ZNF746: variants seen among roughly 807,000 people sequenced by gnomAD.
The protein encoded by ZNF746 is zinc finger protein 746, also known as parkin-interacting substrate.
A neutral mutation model predicts 41.0 loss-of-function variants in ZNF746; 13 were observed. That is an observed-to-expected ratio of 0.32 (90% confidence interval 0.21 to 0.50). ZNF746 has a LOEUF of 0.50. ZNF746 is among the 20% of genes least tolerant of loss of function. The pLI is 0.98. For synonymous variants in ZNF746, 424 were observed against 396.2 expected (o/e 1.07, Z -0.83); for missense variants, 811 against 922.9 (o/e 0.88, Z 1.57).
chr7:149,474,437 C>G lies in ZNF746; in HGVS notation c.1930G>C (p.Asp644His), dbSNP rs1332044574. The change falls in exon 7 of 7, where the codon GAC becomes CAC. Residue 644 changes from aspartate to histidine, a missense_variant. Asp to His is a moderately conservative substitution (Grantham distance 81). This residue lies in a region of ZNF746 where 99 missense variants were observed against 80.3 expected (regional missense o/e 1.23). Transcript: ENST00000458143. The surrounding 1 kb of genome is among the most constrained non-coding windows in gnomAD (Gnocchi z 6.3). ...GPLASTDLVT[D>H]WTCGLSVLGP... ...AGGACGCTGAGGCCACAAGTCCAGT[C>G]GGTCACAAGGTCTGTGGAGGCCAAA... 6.2e-7 allele frequency: 1 copy of G among 1,611,202 alleles called. No homozygotes were observed. Among genetic ancestry groups the G allele is most frequent in the Non-Finnish European group, 8.5e-7 (1 of 1,178,814 alleles).
Position 149,474,443 on chromosome 7 carries a change from C to T in ZNF746, c.1924G>A (p.Val642Met). The stretch of plus-strand genomic sequence containing the variant: ...CTGAGGCCACAAGTCCAGTCGGTCA[C>T]AAGGTCTGTGGAGGCCAAAGGTCCT... ...SKGPLASTDL[V>M]TDWTCGLSVL... The change falls in exon 7 of 7, where the codon GTG becomes ATG. Residue 642 changes from valine (V) to methionine (M), a missense_variant. This residue lies in a region of ZNF746 where 99 missense variants were observed against 80.3 expected (regional missense o/e 1.23). Coordinates refer to ENST00000458143, the MANE Select transcript of ZNF746 (RefSeq NM_001394198.1). This position sits in a 1 kb window ranked among gnomAD's most constrained non-coding sequence, Gnocchi z 6.3. 6.2e-7 allele frequency: 1 copy of T among 1,611,610 alleles called. No homozygotes were observed. The highest frequency in any genetic ancestry group is 1.1e-5 in the South Asian group (1 of 90,480).
chr7:149,474,252 A>G lies in ZNF746; in HGVS notation c.*132T>C. On this transcript the variant is annotated 3_prime_UTR_variant, in exon 7 of 7. Transcript: ENST00000458143. The surrounding 1 kb of genome is among the most constrained non-coding windows in gnomAD (Gnocchi z 6.3). Reference sequence around the variant, plus strand: ...GTGGATAGTTTCTCTTTCTCCAGTGATCATCAGTTCAGCAACTTGGACATT... The same window carrying G: ...GTGGATAGTTTCTCTTTCTCCAGTGGTCATCAGTTCAGCAACTTGGACATT... 9.8e-7 allele frequency: 1 copy of G among 1,025,584 alleles called. No homozygotes were observed. The highest frequency in any genetic ancestry group is 2.6e-5 in the East Asian group (1 of 38,366). 63.5% of individuals were successfully genotyped at this position (1,025,584 alleles called of 1,614,324 possible).
rs1585739755 is a variant in ZNF746 at position 149,492,380 on chromosome 7, CT to C, written c.565+478del. ...TTTCCCTAGCTTATTGTAAGTATCA[CT>C]ATGTAACACACAGAACATACAAAAT... On this transcript the variant is annotated intron_variant, in intron 4 of 6. Transcript: ENST00000458143. Among the ~76,000 whole-genome samples the C allele has an allele frequency of 2.0e-5, 3 of 152,202 alleles. No homozygotes were observed. The East Asian group carries it at 5.8e-4, about 29-fold the overall frequency.
At position 149,473,043 on chromosome 7, in the gene ZNF746, G is replaced by A. The variant is rs1044374778; in HGVS notation, c.*1341C>T. ...CAACAAAACAGGAATGGATATTTGT[G>A]TGGTAGGAACAGCACTGTGGTCGAA... On this transcript the variant is annotated 3_prime_UTR_variant, in exon 7 of 7. Coordinates refer to ENST00000458143, the MANE Select transcript of ZNF746 (RefSeq NM_001394198.1). 6.6e-6 allele frequency: 1 copy of A among 152,196 alleles called. No individual in the cohort carries two copies. The highest frequency in any genetic ancestry group is 1.5e-5 in the Non-Finnish European group (1 of 68,034). 9.4% of individuals were successfully genotyped at this position (152,196 alleles called of 1,614,324 possible).
chr7:149,478,673 G>A (rs566725136), intron 4 of ZNF746, among the ~76,000 whole-genome samples: 1 of 152,292 alleles, frequency 6.6e-6, no homozygotes, highest in African/African-American at 2.4e-5. Flanking sequence ...GTGCCAAATG[G>A]CCATGAGAGT....
At chr7:149,478,617 G>C (rs564046922) in intron 4 of ZNF746, among the ~76,000 whole-genome samples, 1 of 152,160 alleles carries the variant, frequency 6.6e-6, no homozygotes, top group Non-Finnish European at 1.5e-5. Context: ...GCTCCTAAGG[G>C]AAAACTAAAA....
intron 1 of ZNF746, chr7:149,496,927 G>A (rs1392505649): frequency 1.0e-6 from 1 of 985,084 alleles, no homozygotes; most frequent in Non-Finnish European, 1.2e-6. Context: ...AAGTTCTCTA[G>A]GCCCCGGGTT....
chr7:149,497,278 G>T lies in ZNF746; in HGVS notation c.24+235C>A. 1.0e-6 allele frequency: 1 copy of T among 985,254 alleles called. No homozygotes were observed. Among genetic ancestry groups the T allele is most frequent in the African/African-American group, 1.7e-5 (1 of 57,346 alleles). 61.0% of individuals were successfully genotyped at this position (985,254 alleles called of 1,614,324 possible). On this transcript the variant is annotated intron_variant, in intron 1 of 6. Transcript: ENST00000458143. The surrounding 1 kb of genome is among the most constrained non-coding windows in gnomAD (Gnocchi z 4.2). ...GGGCCCAAAGAACTTGGCGTGGGGCGGCCCGGGGCGGGGACAACCGTTCCG... is the reference window on the plus strand; with the variant it reads ...GGGCCCAAAGAACTTGGCGTGGGGCTGCCCGGGGCGGGGACAACCGTTCCG...
intron 4 of ZNF746, among the ~76,000 whole-genome samples, chr7:149,478,539 G>T (rs186488647): frequency 6.6e-6 from 1 of 152,344 alleles, no homozygotes; most frequent in African/African-American, 2.4e-5. Flanking sequence ...TGGCAACTCA[G>T]GAGGCCCCAG....
chr7:149,497,421 A>G lies in ZNF746; in HGVS notation c.24+92T>C, dbSNP rs1801045252. ...CCGGTGGTCCGGCCCGGACCCCGGA[A>G]CCCCTCCCCAGGGCCTGCGGCGCCG... On this transcript the variant is annotated intron_variant, in intron 1 of 6. Transcript: ENST00000458143. This position sits in a 1 kb window ranked among gnomAD's most constrained non-coding sequence, Gnocchi z 4.2. 1 of 1,021,496 alleles carries G rather than the reference A, an allele frequency of 9.8e-7. No individual in the cohort carries two copies. Among genetic ancestry groups the G allele is most frequent in the Admixed American group, 5.6e-5 (1 of 17,706 alleles). 63.3% of individuals were successfully genotyped at this position (1,021,496 alleles called of 1,614,324 possible).
Position 149,477,017 on chromosome 7 carries a change from G to A in ZNF746, c.788C>T (p.Pro263Leu), listed in dbSNP as rs199650970. 240 of 1,613,540 alleles carry A rather than the reference G, an allele frequency of 1.5e-4. 1 individual carries two copies. The highest frequency in any genetic ancestry group is 9.3e-5 in the African/African-American group (7 of 74,888). ...GAGATCCGTTTGCCAGGAGGTGGGC[G>A]GGATGGTGGTGGAAAAGTTGGAATG... ...GVHSNFSTTI[P>L]PTSWQTDLPP... The change falls in exon 6 of 7, where the codon CCG becomes CTG. Residue 263 changes from proline to leucine, a missense_variant. Pro to Leu is a moderately conservative substitution (Grantham distance 98, BLOSUM62 -3). Transcript: ENST00000458143.
intron 4 of ZNF746, among the ~76,000 whole-genome samples, chr7:149,478,822 C>T (rs876781): frequency 0.66 from 100,848 of 152,036 alleles, 33,850 homozygotes; most frequent in East Asian, 0.8. Flanking sequence ...TTGAAAAAGG[C>T]AGATTTGAAA....
intron 1 of ZNF746, among the ~76,000 whole-genome samples, chr7:149,495,477 G>A (rs1800964565): frequency 6.6e-6 from 1 of 152,208 alleles, no homozygotes; most frequent in African/African-American, 2.4e-5. Flanking sequence ...GGACAAGGAA[G>A]AATGGGCACA....
intron 6 of ZNF746, among the ~76,000 whole-genome samples, chr7:149,475,942 A>G (rs1301392281): frequency 6.6e-6 from 1 of 152,252 alleles, no homozygotes. Flanking sequence ...CATGTCTGAA[A>G]GCACCTTAGT....
intron 3 of ZNF746, 146 bp from the exon 4 acceptor site, chr7:149,493,118 G>A (rs1316791496): frequency 6.5e-6 from 4 of 614,578 alleles, no homozygotes; most frequent in Non-Finnish European, 8.8e-6. Context: ...TTGCTCCCTG[G>A]GGGCATCTGG....
Position 149,497,565 on chromosome 7 carries a change from G to A in ZNF746, c.-29C>T. On this transcript the variant is annotated 5_prime_UTR_variant, in exon 1 of 7. Coordinates refer to ENST00000458143, the MANE Select transcript of ZNF746 (RefSeq NM_001394198.1). The surrounding 1 kb of genome is among the most constrained non-coding windows in gnomAD (Gnocchi z 4.2). ...CCTGCGCTGTCCCGCCCGGCCCGGA[G>A]GAAGTCGTCGTCGCCGCCGCCGCGC... The A allele has an allele frequency of 9.5e-7, 1 of 1,055,882 alleles. No individual in the cohort carries two copies. The highest frequency in any genetic ancestry group is 1.1e-6 in the Non-Finnish European group (1 of 879,030). 65.4% of individuals were successfully genotyped at this position (1,055,882 alleles called of 1,614,324 possible).
At position 149,473,069 on chromosome 7, in the gene ZNF746, T is replaced by A. The variant is rs552380396; in HGVS notation, c.*1315A>T. 1 of 152,126 alleles carries A rather than the reference T, an allele frequency of 6.6e-6. No homozygotes were observed. The highest frequency in any genetic ancestry group is 2.1e-4 in the South Asian group (1 of 4,820). 9.4% of individuals were successfully genotyped at this position (152,126 alleles called of 1,614,324 possible). ...TGGTAGGAACAGCACTGTGGTCGAA[T>A]CAAGAAATCTGGGCCCACCTTTATG... is the stretch of plus-strand genomic sequence containing the variant. On this transcript the variant is annotated 3_prime_UTR_variant, in exon 7 of 7. Transcript: ENST00000458143.
rs759127500 is a variant in ZNF746 at position 149,475,308 on chromosome 7, G to A, written c.1059C>T (p.Pro353=). The A allele has an allele frequency of 1.9e-6, 3 of 1,613,936 alleles. No homozygotes were observed. The highest frequency in any genetic ancestry group is 2.5e-6 in the Non-Finnish European group (3 of 1,179,974). Residue 353 remains proline (P), a synonymous_variant, in exon 7 of 7, where the codon CCC becomes CCT. Transcript: ENST00000458143. ...GCAGCCCCAGCACAGGGTCCTGGCT[G>A]GGGAAGGAGCTGCCCTGGCTTTCCC... ...GAWESQGSSF[P]SQDPVLGLRE...
chr7:149,475,258 T>TATTGAAAAAAGAAACTTG lies in ZNF746; in HGVS notation c.1108_1109insCAAGTTTCTTTTTTCAAT (p.Asp370delinsAlaSerPhePhePheGlnTyr). The TATTGAAAAAAGAAACTTG allele has an allele frequency of 6.2e-7, 1 of 1,612,942 alleles. No homozygotes were observed. On this transcript the variant is annotated protein_altering_variant, in exon 7 of 7. Transcript: ENST00000458143. The stretch of plus-strand genomic sequence containing the variant: ...CACAGCAGGACTGAGCTCACCCATG[T>TATTGAAAAAAGAAACTTG]CCCTCTCAGGCCGGGCGGGCTCTCG...
Sources: gnomAD v4.1 joint callset for allele counts (sites outside exome capture counted in the v4.1 genomes callset) on GRCh38, gnomAD v4.1.1 for gene constraint, gnomAD v4.1.1 regional missense constraint, Gnocchi (gnomAD v3.1) non-coding constraint, MANE v1.5 for transcripts, NCBI Gene and HGNC (gene_info 2026-07-23, HGNC 2026-07-21) for gene names.